The following CPQ variants were observed in gnomAD, a reference collection of about 807,000 sequenced individuals.
The protein encoded by CPQ is carboxypeptidase Q, also known as Ser-Met dipeptidase.
Under a neutral mutation model 45.7 loss-of-function variants are expected in CPQ, and 37 were observed. The observed-to-expected ratio is 0.81, with a 90% confidence interval of 0.62 to 1.07. The LOEUF (loss-of-function observed/expected upper bound fraction) is 1.07, where lower values mean the gene tolerates loss of function less well. Among genes scored for constraint, CPQ ranks in the 50% least tolerant of loss-of-function variants. CPQ has a pLI of 0.00. For synonymous variants in CPQ, 186 were observed against 205.8 expected (o/e 0.90, Z 0.82); for missense variants, 537 against 572.9 (o/e 0.94, Z 0.64).
intron 4 of CPQ, among the ~76,000 whole-genome samples, chr8:96,889,575 A>G (rs778025498): frequency 3.3e-5 from 5 of 152,202 alleles, no homozygotes; most frequent in Non-Finnish European, 7.3e-5. Context: ...GTAAAGTCCC[A>G]TGATAGGCAA....
chr8:96,880,141 T>C (rs1812201587), intron 4 of CPQ, 136 bp downstream of exon 4: 1 of 714,594 alleles, frequency 1.4e-6, no homozygotes, highest in African/African-American at 1.8e-5. Flanking sequence ...AAGCTTTATA[T>C]ATATTTTTTC....
rs1038050133 is a variant in CPQ, at chr8:96,664,521, G to T, written c.-35+19119G>T. On this transcript the variant is annotated intron_variant, in intron 1 of 7. Coordinates refer to ENST00000220763, the MANE Select transcript of CPQ (RefSeq NM_016134.4). ...GTGTCAACTGAAGATAAATATAAGG[G>T]TTGTGCAGCAATGCAGAGGATATGG... Among the ~76,000 whole-genome samples the T allele has an allele frequency of 2.4e-4, 37 of 152,198 alleles. 1 individual carries two copies. The highest frequency in any genetic ancestry group is 2.2e-3 in the Admixed American group (33 of 15,284).
intron 5 of CPQ, among the ~76,000 whole-genome samples, chr8:97,013,349 C>T (rs1809524187): frequency 6.6e-6 from 1 of 151,990 alleles, no homozygotes; most frequent in African/African-American, 2.4e-5. Flanking sequence ...ATCCTATGTC[C>T]AAAAGTTCTT....
chr8:96,848,875 G>A (rs1811734105), intron 3 of CPQ, among the ~76,000 whole-genome samples: 1 of 152,070 alleles, frequency 6.6e-6, no homozygotes, highest in Admixed American at 6.5e-5. Context: ...AGCATTTTGT[G>A]TCAAACCAAC....
chr8:97,040,234 TG>T (rs1810093816), intron 6 of CPQ, among the ~76,000 whole-genome samples: 1 of 152,210 alleles, frequency 6.6e-6, no homozygotes, highest in Admixed American at 6.5e-5. Context: ...TGATGGCCAC[TG>T]ATGGTGAGCA....
intron 5 of CPQ, among the ~76,000 whole-genome samples, chr8:97,007,378 T>C (rs1809401741): frequency 6.6e-6 from 1 of 152,212 alleles, no homozygotes; most frequent in Admixed American, 6.5e-5. Context: ...CCTGCAGAAA[T>C]GCCTAGAATA....
rs182078697 is a variant in CPQ at position 96,681,232 on chromosome 8, A to C, written c.-35+35830A>C. 1.9e-3 allele frequency among the ~76,000 whole-genome samples: 297 copies of C among 152,374 alleles called. 3 individuals carry two copies. The highest frequency in any genetic ancestry group is 3.2e-3 in the Non-Finnish European group (220 of 68,038). ...ACTCCAGGGCAGGTCAGAAGTCTTC[A>C]TGGTAGCCCCTCCCATCACAGGACC... On this transcript the variant is annotated intron_variant, in intron 1 of 7. Transcript: ENST00000220763.
chr8:96,852,120 G>A (rs1811778899), intron 3 of CPQ, among the ~76,000 whole-genome samples: 2 of 152,238 alleles, frequency 1.3e-5, no homozygotes, highest in Middle Eastern at 3.4e-3. Context: ...ACTTTGGGAG[G>A]AAAAAGCAGA....
chr8:97,046,067 C>G (rs1386769928), intron 6 of CPQ, among the ~76,000 whole-genome samples: 1 of 152,168 alleles, frequency 6.6e-6, no homozygotes. Context: ...ACTCATCTTA[C>G]TTGATCATTC....
intron 4 of CPQ, among the ~76,000 whole-genome samples, chr8:96,882,094 G>A (rs185905587): frequency 6.6e-5 from 10 of 152,288 alleles, no homozygotes; most frequent in Non-Finnish European, 1.5e-4. Context: ...AGGACTGGGA[G>A]ACTCAGGACT....
chr8:96,985,280 T>A (rs74844326), intron 5 of CPQ, among the ~76,000 whole-genome samples: 1 of 148,276 alleles, frequency 6.7e-6, no homozygotes, highest in South Asian at 2.1e-4. Context: ...TTTTTTTTTT[T>A]AATTCAGTAA....
At chr8:97,136,428 T>C (rs1812059791) in intron 7 of CPQ, among the ~76,000 whole-genome samples, 1 of 152,246 alleles carries the variant, frequency 6.6e-6, no homozygotes, top group African/African-American at 2.4e-5. Flanking sequence ...AAAGAATTAA[T>C]TGAGTACCTA....
At chr8:96,878,794 G>T (rs547287505) in intron 3 of CPQ, among the ~76,000 whole-genome samples, 123 of 152,272 alleles carry the variant, frequency 8.1e-4, no homozygotes, top group African/African-American at 2.9e-3. Context: ...AGGAGGAGGA[G>T]GGCTGTTCTG....
intron 4 of CPQ, among the ~76,000 whole-genome samples, chr8:96,952,190 T>C (rs1226356598): frequency 6.6e-6 from 1 of 152,044 alleles, no homozygotes; most frequent in African/African-American, 2.4e-5. Flanking sequence ...AAAAAAGCAG[T>C]CAAAAGTAGC....
chr8:96,668,782 A>G (rs1382734808), intron 1 of CPQ, among the ~76,000 whole-genome samples: 1 of 152,118 alleles, frequency 6.6e-6, no homozygotes, highest in Non-Finnish European at 1.5e-5. Flanking sequence ...ATGACACATT[A>G]CTGAGTTCCC....
intron 1 of CPQ, among the ~76,000 whole-genome samples, chr8:96,670,310 ATTTTTTTTT>A (rs76070257): frequency 4.2e-5 from 6 of 143,996 alleles, no homozygotes; most frequent in Non-Finnish European, 9.0e-5. Flanking sequence ...GAGTGACTCA[ATTTTTTTTT>A]TTTTTTTTTT....
At chr8:96,894,372 CTG>C (rs1409045124) in intron 4 of CPQ, among the ~76,000 whole-genome samples, 3 of 152,122 alleles carry the variant, frequency 2.0e-5, no homozygotes, top group African/African-American at 4.8e-5. Context: ...AAAGGAATAA[CTG>C]TGTCTAAGCT....
intron 1 of CPQ, among the ~76,000 whole-genome samples, chr8:96,648,145 CT>C (rs1815538245): frequency 6.6e-6 from 1 of 152,092 alleles, no homozygotes; most frequent in Admixed American, 6.5e-5. Flanking sequence ...TATTTTGTTT[CT>C]TTTTCGTCAG....
At chr8:96,913,469 G>A (rs956531835) in intron 4 of CPQ, among the ~76,000 whole-genome samples, 7 of 152,204 alleles carry the variant, frequency 4.6e-5, no homozygotes, top group Non-Finnish European at 1.0e-4. Context: ...GCTTTGCAAA[G>A]AGAAGAAGCA....
Sources: allele counts gnomAD v4.1 joint callset (sites outside exome capture counted in the v4.1 genomes callset), GRCh38; gene constraint gnomAD v4.1.1; transcripts MANE v1.5; gene names NCBI Gene and HGNC (gene_info 2026-07-23, HGNC 2026-07-21).